Variants in CADM2 observed in about 807,000 individuals in gnomAD.
The protein encoded by CADM2 is immunoglobulin superfamily member 4D.
A neutral mutation model predicts 49.8 loss-of-function variants in CADM2; 12 were observed. That is an observed-to-expected ratio of 0.24 (90% confidence interval 0.15 to 0.39). The LOEUF (loss-of-function observed/expected upper bound fraction) is 0.39, where lower values mean the gene tolerates loss of function less well. Ranked by LOEUF, CADM2 falls within the 10% of genes least tolerant of loss-of-function variation. CADM2 has a pLI of 1.00. For synonymous variants in CADM2, 214 were observed against 175.4 expected, an observed-to-expected ratio of 1.22 and a Z score of -1.74; for missense variants, 378 against 492.3, an observed-to-expected ratio of 0.77 and a Z score of 2.20.
intron 8 of CADM2, among the ~76,000 whole-genome samples, chr3:85,986,336 A>G (rs2108684505): frequency 6.6e-6 from 1 of 152,210 alleles, no homozygotes; most frequent in Middle Eastern, 3.4e-3. Context: ...AATCACCATA[A>G]ATGTACTCAA....
intron 2 of CADM2, among the ~76,000 whole-genome samples, chr3:85,734,324 G>A (rs2068046301): frequency 1.3e-5 from 2 of 151,848 alleles, no homozygotes; most frequent in Non-Finnish European, 2.9e-5. Context: ...TGCCCAAATA[G>A]GAGAAGTCAT....
chr3:84,982,849 G>A (rs917430812), intron 1 of CADM2, among the ~76,000 whole-genome samples: 2 of 150,752 alleles, frequency 1.3e-5, no homozygotes, highest in Admixed American at 6.6e-5. Flanking sequence ...TGGTTCAAGC[G>A]ATTCTCCTGC....
At chr3:85,008,153 C>A (rs2033828483) in intron 1 of CADM2, among the ~76,000 whole-genome samples, 1 of 152,174 alleles carries the variant, frequency 6.6e-6, no homozygotes, top group African/African-American at 2.4e-5. Context: ...CAACTCCAGT[C>A]TACTTCTGTT....
chr3:85,505,639 C>T (rs566458170), intron 1 of CADM2, among the ~76,000 whole-genome samples: 1 of 152,140 alleles, frequency 6.6e-6, no homozygotes, highest in Non-Finnish European at 1.5e-5. Context: ...GAACCTTTGT[C>T]ATAAAGTAGC....
At chr3:85,873,761 T>A (rs1216882147) in intron 3 of CADM2, among the ~76,000 whole-genome samples, 1 of 152,200 alleles carries the variant, frequency 6.6e-6, no homozygotes, top group Non-Finnish European at 1.5e-5. Context: ...TTATTACTCA[T>A]CACTTTCACA....
intron 1 of CADM2, among the ~76,000 whole-genome samples, chr3:85,344,994 G>A (rs2030428099): frequency 6.6e-6 from 1 of 152,024 alleles, no homozygotes; most frequent in Admixed American, 6.6e-5. Context: ...ACATATGGTA[G>A]CTCATATATA....
chr3:85,185,360 A>T, intron 1 of CADM2, among the ~76,000 whole-genome samples: 1 of 152,224 alleles, frequency 6.6e-6, no homozygotes, highest in South Asian at 2.1e-4. Context: ...CTTATTGGAA[A>T]TAGGAACATA....
At chr3:85,327,554 C>CCACACACACACACACACA (rs71108276) in intron 1 of CADM2, among the ~76,000 whole-genome samples, 2 of 137,110 alleles carry the variant, frequency 1.5e-5, no homozygotes, top group Admixed American at 1.5e-4. Context: ...CCATGCCCGG[C>CCACACACACACACACACA]CACACACACA....
intron 1 of CADM2, among the ~76,000 whole-genome samples, chr3:85,200,124 A>G (rs533699863): frequency 3.9e-5 from 6 of 152,188 alleles, no homozygotes; most frequent in South Asian, 4.1e-4. Flanking sequence ...GAATTCAGTG[A>G]AAACGTGGTT....
chr3:85,566,808 C>T (rs2107210648), intron 1 of CADM2, among the ~76,000 whole-genome samples: 1 of 152,238 alleles, frequency 6.6e-6, no homozygotes, highest in Middle Eastern at 3.4e-3. Flanking sequence ...CGCAAGGATG[C>T]TATTGAAGAT....
At chr3:85,541,775 T>TATATA (rs1559897737) in intron 1 of CADM2, among the ~76,000 whole-genome samples, 5 of 88,316 alleles carry the variant, frequency 5.7e-5, no homozygotes, top group African/African-American at 1.3e-4. Context: ...ATTTTATATT[T>TATATA]TATATATATA....
intron 1 of CADM2, among the ~76,000 whole-genome samples, chr3:85,052,549 A>G (rs574549837): frequency 6.6e-6 from 1 of 152,184 alleles, no homozygotes; most frequent in South Asian, 2.1e-4. Context: ...CAATTGCCTC[A>G]CCTAACAGAA....
At chr3:85,223,774 C>T (rs2042090693) in intron 1 of CADM2, among the ~76,000 whole-genome samples, 1 of 151,970 alleles carries the variant, frequency 6.6e-6, no homozygotes, top group Admixed American at 6.6e-5. Flanking sequence ...CCCAACAAGC[C>T]CTGCTTTGTG....
intron 1 of CADM2, among the ~76,000 whole-genome samples, chr3:85,514,316 C>T (rs2060843424): frequency 6.6e-6 from 1 of 151,908 alleles, no homozygotes; most frequent in Admixed American, 6.6e-5. Context: ...TAATATGCCT[C>T]AAAACAATAA....
chr3:85,332,601 A>G (rs558662956), intron 1 of CADM2, among the ~76,000 whole-genome samples: 1 of 151,946 alleles, frequency 6.6e-6, no homozygotes, highest in African/African-American at 2.4e-5. Context: ...TCACTTTTGT[A>G]TTATGTAAAA....
intron 1 of CADM2, among the ~76,000 whole-genome samples, chr3:85,111,711 A>C (rs2038465818): frequency 6.6e-6 from 1 of 151,872 alleles, no homozygotes; most frequent in South Asian, 2.1e-4. Flanking sequence ...ACTGTAGTCA[A>C]TAATAACTTA....
intron 1 of CADM2, among the ~76,000 whole-genome samples, chr3:85,545,278 A>AC (rs1235078272): frequency 1.3e-5 from 2 of 152,002 alleles, no homozygotes; most frequent in Non-Finnish European, 2.9e-5. Context: ...GTGTAAAAAA[A>AC]CAATTGTAAT....
intron 1 of CADM2, among the ~76,000 whole-genome samples, chr3:85,222,719 A>G (rs1376426247): frequency 6.6e-6 from 1 of 152,158 alleles, no homozygotes; most frequent in Non-Finnish European, 1.5e-5. Flanking sequence ...TATGAGGTTA[A>G]ATGATATCAT....
chr3:85,989,430 G>A (rs919056240), intron 8 of CADM2, among the ~76,000 whole-genome samples: 1 of 152,022 alleles, frequency 6.6e-6, no homozygotes, highest in Non-Finnish European at 1.5e-5. Flanking sequence ...GGACACTGGG[G>A]GACAGGGGAC....
Sources: allele counts gnomAD v4.1 joint callset (sites outside exome capture counted in the v4.1 genomes callset), GRCh38; gene constraint gnomAD v4.1.1; transcripts MANE v1.5; gene names NCBI Gene and HGNC (gene_info 2026-07-23, HGNC 2026-07-21).